The following STK32B variants were observed in gnomAD, a reference collection of about 807,000 sequenced individuals.
STK32B encodes serine/threonine-protein kinase 32B.
STK32B carries 43 observed loss-of-function variants against 52.6 expected under a neutral mutation model. The observed-to-expected ratio is 0.82, with a 90% CI of 0.64 to 1.05. The LOEUF is 1.05. Ranked by LOEUF, STK32B falls within the 50% of genes least tolerant of loss-of-function variation. The probability of loss-of-function intolerance (pLI) is 0.00; values close to 1 mark genes in which losing one functional copy is unlikely to be tolerated. For missense variants in STK32B, 621 were observed against 534.6 expected (o/e 1.16, Z -1.59); for synonymous variants, 238 against 204.3 (o/e 1.17, Z -1.41).
intron 3 of STK32B, among the ~76,000 whole-genome samples, chr4:5,244,835 C>T (rs1401727869): frequency 2.6e-5 from 4 of 152,104 alleles, no homozygotes; most frequent in Non-Finnish European, 4.4e-5. Context: ...TCATTATGTA[C>T]CCAGTAGTCA....
chr4:5,463,981 C>A (rs961369797), intron 9 of STK32B, among the ~76,000 whole-genome samples: 1 of 152,172 alleles, frequency 6.6e-6, no homozygotes, highest in Non-Finnish European at 1.5e-5. Context: ...TACAGTCCTG[C>A]GGGCTGTACA....
chr4:5,439,007 G>A (rs1269839345), intron 6 of STK32B, among the ~76,000 whole-genome samples: 2 of 151,382 alleles, frequency 1.3e-5, no homozygotes, highest in Non-Finnish European at 2.9e-5. Flanking sequence ...TATCATTGTT[G>A]GACATTTGGG....
intron 3 of STK32B, among the ~76,000 whole-genome samples, chr4:5,211,280 G>T (rs144185549): frequency 3.7e-4 from 57 of 152,286 alleles, no homozygotes; most frequent in African/African-American, 1.1e-3. Context: ...CCCTAGGTGT[G>T]CTGTAAGAAA....
intron 7 of STK32B, among the ~76,000 whole-genome samples, chr4:5,454,649 G>A (rs1377882397): frequency 6.6e-6 from 1 of 152,016 alleles, no homozygotes. Context: ...GTGAGCCTTG[G>A]CAATTCACAC....
chr4:5,449,778 T>G (rs1715817806), intron 7 of STK32B, among the ~76,000 whole-genome samples: 1 of 152,136 alleles, frequency 6.6e-6, no homozygotes, highest in Non-Finnish European at 1.5e-5. Flanking sequence ...TTGTGAACTG[T>G]GCATGCGAGG....
intron 3 of STK32B, among the ~76,000 whole-genome samples, chr4:5,312,298 G>T (rs11944205): frequency 1.3e-5 from 2 of 149,474 alleles, no homozygotes; most frequent in Admixed American, 6.7e-5. Context: ...TTTTTATTTT[G>T]TTATTATACT....
intron 6 of STK32B, among the ~76,000 whole-genome samples, chr4:5,431,212 A>C (rs1713545641): frequency 6.6e-6 from 1 of 152,246 alleles, no homozygotes; most frequent in Non-Finnish European, 1.5e-5. Flanking sequence ...AGTCAGCAAG[A>C]AAGATAAACC....
chr4:5,303,101 T>C (rs1729676027), intron 3 of STK32B, among the ~76,000 whole-genome samples: 1 of 152,036 alleles, frequency 6.6e-6, no homozygotes, highest in Non-Finnish European at 1.5e-5. Context: ...TTTGGGCTGG[T>C]TCCATGTTTT....
chr4:5,213,866 G>A (rs1046110881), intron 3 of STK32B, among the ~76,000 whole-genome samples: 5 of 152,182 alleles, frequency 3.3e-5, no homozygotes, highest in Non-Finnish European at 7.3e-5. Context: ...ATGTTTCAAT[G>A]AGATTAAATT....
chr4:5,318,964 T>C (rs1483553882), intron 3 of STK32B, among the ~76,000 whole-genome samples: 2 of 152,074 alleles, frequency 1.3e-5, no homozygotes, highest in Non-Finnish European at 2.9e-5. Context: ...CATGCCCAGC[T>C]AATTTTTTTG....
chr4:5,245,217 A>T (rs567863332), intron 3 of STK32B, among the ~76,000 whole-genome samples: 1 of 152,242 alleles, frequency 6.6e-6, no homozygotes, highest in South Asian at 2.1e-4. Context: ...GAGTCCAAGA[A>T]TCTTTGTAGG....
At chr4:5,392,556 C>T (rs374559718) in intron 4 of STK32B, among the ~76,000 whole-genome samples, 4 of 151,672 alleles carry the variant, frequency 2.6e-5, no homozygotes, top group Non-Finnish European at 5.9e-5. Flanking sequence ...TTTCATTTCC[C>T]CACCCACAGA....
intron 4 of STK32B, among the ~76,000 whole-genome samples, chr4:5,375,307 G>A (rs1273666660): frequency 6.6e-6 from 1 of 152,006 alleles, no homozygotes; most frequent in Non-Finnish European, 1.5e-5. Context: ...TGCTCCTAGA[G>A]CCCCCACACT....
At chr4:5,408,382 C>T (rs1737815278) in intron 5 of STK32B, among the ~76,000 whole-genome samples, 1 of 152,064 alleles carries the variant, frequency 6.6e-6, no homozygotes, top group Non-Finnish European at 1.5e-5. Context: ...CTCTCTTCCT[C>T]CTGCTCCATC....
At chr4:5,117,290 C>T (rs969392440) in intron 1 of STK32B, among the ~76,000 whole-genome samples, 2 of 152,118 alleles carry the variant, frequency 1.3e-5, no homozygotes, top group Non-Finnish European at 2.9e-5. Flanking sequence ...CATATATAAC[C>T]TTTATTATAT....
chr4:5,456,816 G>A lies in STK32B; in HGVS notation c.676G>A (p.Glu226Lys), dbSNP rs149571946. ...YELLRGWRPYEIHSVTPIDEI... is the reference protein window; with the variant it reads ...YELLRGWRPYKIHSVTPIDEI... ...TGTTCTTTGATTGCAGAGGCCGTAC[G>A]AAATCCACTCGGTCACGCCCATCGA... Residue 226 changes from glutamate (E) to lysine (K), a missense_variant, in exon 8 of 12, where the codon GAA (glutamate) becomes AAA (lysine). Glu to Lys is a moderately conservative substitution (Grantham distance 56, BLOSUM62 1). Transcript: ENST00000282908. The A allele has an allele frequency of 1.5e-4, 238 of 1,581,694 alleles. No homozygotes were observed. Among genetic ancestry groups the A allele is most frequent in the African/African-American group, 2.4e-4 (18 of 74,424 alleles).
At chr4:5,191,505 C>T (rs1185139038) in intron 3 of STK32B, among the ~76,000 whole-genome samples, 2 of 151,974 alleles carry the variant, frequency 1.3e-5, no homozygotes, top group Admixed American at 6.5e-5. Context: ...CTGCCCACCT[C>T]GGCATCCCAA....
At position 5,317,536 on chromosome 4, in the gene STK32B, C is replaced by CATATATATATAT. The variant is rs201529318; in HGVS notation, c.261-13682_261-13681insATATATATATAT. Among the ~76,000 whole-genome samples, 108 of 93,510 alleles carry CATATATATATAT rather than the reference C, an allele frequency of 1.2e-3. 13 individuals carry two copies. The highest frequency in any genetic ancestry group is 6.5e-3 in the African/African-American group (96 of 14,802). 61.3% of individuals were successfully genotyped at this position (93,510 alleles called of 152,430 possible). ...TAATATATTTATTATATATATATTACATGTATATATATATATATATATAAC... is the reference window on the plus strand; with the variant it reads ...TAATATATTTATTATATATATATTACATATATATATATATGTATATATATATATATATATAAC... On this transcript the variant is annotated intron_variant, in intron 3 of 11. Transcript: ENST00000282908.
chr4:5,250,264 C>T (rs1175485251), intron 3 of STK32B, among the ~76,000 whole-genome samples: 9 of 151,434 alleles, frequency 5.9e-5, no homozygotes, highest in Admixed American at 5.9e-4. Context: ...TGAGTATATA[C>T]CCAAAGGTAG....
Sources: gnomAD v4.1 joint callset for allele counts (sites outside exome capture counted in the v4.1 genomes callset) on GRCh38, gnomAD v4.1.1 for gene constraint, MANE v1.5 for transcripts, NCBI Gene and HGNC (gene_info 2026-07-23, HGNC 2026-07-21) for gene names.